The following TPR variants were observed in gnomAD, a reference collection of about 807,000 sequenced individuals.
TPR encodes nucleoprotein TPR.
TPR carries 51 observed loss-of-function variants against 316.1 expected under a neutral mutation model. That is an observed-to-expected ratio of 0.16 (90% CI 0.13 to 0.20). The LOEUF (loss-of-function observed/expected upper bound fraction) is 0.20. TPR is among the 10% of genes least tolerant of loss of function. The pLI is 1.00. For synonymous variants in TPR, 981 were observed against 914.7 expected (o/e 1.07, Z -1.31); for missense variants, 2,272 against 2,754.8 (o/e 0.82, Z 3.92).
At chr1:186,360,152 A>T in intron 11 of TPR, 121 bp downstream of exon 11, 1 of 1,332,674 alleles carries the variant, frequency 7.5e-7, no homozygotes, top group Non-Finnish European at 1.0e-6. Flanking sequence ...AGCCTTTCCT[A>T]GAATGATCCA....
rs1251163409 is a variant in TPR at position 186,338,132 on chromosome 1, T to C, written c.4263A>G (p.Ile1421Met). Reference sequence around the variant, plus strand: ...TTTTGACTTTTTCTTGGATATCAATTATTTTGGCATCTAAGTCCTTCTGGA... The same window carrying C: ...TTTTGACTTTTTCTTGGATATCAATCATTTTGGCATCTAAGTCCTTCTGGA... ...ETIQKDLDAK[I>M]IDIQEKVKTI... Residue 1421 changes from isoleucine to methionine, a missense_variant, in exon 31 of 51, where the codon ATA (isoleucine) becomes ATG (methionine). Coordinates refer to ENST00000367478, the MANE Select transcript of TPR (RefSeq NM_003292.3). 1 of 1,612,962 alleles carries C rather than the reference T, an allele frequency of 6.2e-7. No homozygotes were observed. Among genetic ancestry groups the C allele is most frequent in the African/African-American group, 1.3e-5 (1 of 75,020 alleles).
chr1:186,332,044 G>T, intron 38 of TPR, 151 bp downstream of exon 38: 1 of 707,666 alleles, frequency 1.4e-6, no homozygotes, highest in Non-Finnish European at 2.2e-6. Context: ...TACCTGGGTT[G>T]TCAGTGGAAT....
Position 186,333,208 on chromosome 1 carries a change from T to C in TPR, c.5369A>G (p.Asn1790Ser), listed in dbSNP as rs750825790. 20 of 1,613,506 alleles carry C rather than the reference T, an allele frequency of 1.2e-5. No homozygotes were observed. Among genetic ancestry groups the C allele is most frequent in the Non-Finnish European group, 1.5e-5 (18 of 1,179,696 alleles). Residue 1790 changes from asparagine (N) to serine (S), a missense_variant, in exon 37 of 51, where the codon AAT becomes AGT. Around this residue, in one of 10 missense-constraint regions of TPR, gnomAD observed 435 missense variants for 461.1 expected, o/e 0.94. Transcript: ENST00000367478. ...QQSHPQIEPA[N>S]QELSSNIVEV... ...TACTATGTTTGAAGATAACTCTTGA[T>C]TGGCAGGCTCAATCTGAGGATGACT...
chr1:186,326,037 TG>T, intron 41 of TPR, 66 bp downstream of exon 41: 3 of 1,602,788 alleles, frequency 1.9e-6, no homozygotes, highest in Non-Finnish European at 2.6e-6. Flanking sequence ...TCTATATCCT[TG>T]GAAAACAGCA....
Position 186,350,354 on chromosome 1 carries a change from G to T in TPR, c.2645C>A (p.Thr882Lys). The part of the protein sequence containing the change: ...QLLDTKRQLD[T>K]ETNLHLNTKE... ...TGTGTTAAGATGAAGATTTGTCTCT[G>T]TATCCAGTTGTCTCTTTGTATCTAA... The change falls in exon 21 of 51, where the codon ACA becomes AAA. Residue 882 changes from threonine (T) to lysine (K), a missense_variant. By Grantham distance (78) the Thr-to-Lys change is moderately conservative (BLOSUM62 -1). Transcript: ENST00000367478. The T allele has an allele frequency of 3.1e-6, 5 of 1,608,782 alleles. No individual in the cohort carries two copies. Among genetic ancestry groups the T allele is most frequent in the Non-Finnish European group, 4.2e-6 (5 of 1,177,824 alleles).
chr1:186,350,023 G>A (rs185793681), intron 21 of TPR, among the ~76,000 whole-genome samples, 200 bp downstream of exon 21: 13 of 152,240 alleles, frequency 8.5e-5, no homozygotes, highest in Non-Finnish European at 1.3e-4. Flanking sequence ...GAACTATTCT[G>A]AATCTTTTAA....
Position 186,344,497 on chromosome 1 carries a change from C to T in TPR, c.3295G>A (p.Ala1099Thr). ...GCCATTTTTGAAACCTGCTCCTTCG[C>T]AGCTTGTAGAGCTTCAACATCAGCA... ...HAADVEALQA[A>T]KEQVSKMASV... is the part of the protein sequence containing the mutation. Residue 1099 changes from alanine to threonine, a missense_variant, in exon 25 of 51, where the codon GCG becomes ACG. Physicochemically the swap from Ala to Thr is moderately conservative, Grantham distance 58 (BLOSUM62 0). Coordinates refer to ENST00000367478, the MANE Select transcript of TPR (RefSeq NM_003292.3). 1.2e-6 allele frequency: 2 copies of T among 1,613,818 alleles called. No homozygotes were observed. Among genetic ancestry groups the T allele is most frequent in the East Asian group, 4.5e-5 (2 of 44,876 alleles).
Position 186,338,134 on chromosome 1 carries a change from T to C in TPR, c.4261A>G (p.Ile1421Val), listed in dbSNP as rs773261002. ...TTGACTTTTTCTTGGATATCAATTA[T>C]TTTGGCATCTAAGTCCTTCTGGATG... ...ETIQKDLDAK[I>V]IDIQEKVKTI... The change falls in exon 31 of 51, where the codon ATA becomes GTA. Residue 1421 changes from isoleucine to valine, a missense_variant. Ile to Val is a conservative substitution (Grantham distance 29). Transcript: ENST00000367478. 16 of 1,612,854 alleles carry C rather than the reference T, an allele frequency of 9.9e-6. No individual in the cohort carries two copies. The South Asian group carries it at 1.6e-4, about 17-fold the overall frequency.
chr1:186,356,525 A>C, intron 14 of TPR, 76 bp from the exon 15 acceptor site: 1 of 1,370,500 alleles, frequency 7.3e-7, no homozygotes, highest in Non-Finnish European at 9.8e-7. Flanking sequence ...TAATTAACCA[A>C]GCATCTTTGC....
Position 186,363,265 on chromosome 1 carries a change from C to T in TPR, c.531+77G>A, listed in dbSNP as rs1048756360. 13 of 1,230,384 alleles carry T rather than the reference C, an allele frequency of 1.1e-5. No individual in the cohort carries two copies. The African/African-American group carries it at 2.0e-4, about 19-fold the overall frequency. 76.2% of individuals were successfully genotyped at this position (1,230,384 alleles called of 1,614,324 possible). A position where few individuals can be genotyped will look rare whatever the true frequency, so the allele number is the denominator to read the frequency against. ...AATGCAGCTTTTAATTACTTTATTG[C>T]CTATATTTGAAATTTAATTTAGGTG... On this transcript the variant is annotated intron_variant, in intron 5 of 50. Transcript: ENST00000367478.
rs369108138 is a variant in TPR, at chr1:186,312,256, T to C, written c.*1715A>G. 5.0e-6 allele frequency: 8 copies of C among 1,613,918 alleles called. No homozygotes were observed. In the African/African-American group the frequency reaches 8.0e-5, roughly 16 times the overall value. On this transcript the variant is annotated 3_prime_UTR_variant, in exon 51 of 51. Coordinates refer to ENST00000367478, the MANE Select transcript of TPR (RefSeq NM_003292.3). ...AGAAGGCCTGCTCTAAATTATCCAG[T>C]GTATGGAGAAACGACACAGGTTAGG...
chr1:186,367,798 C>A, intron 4 of TPR, 88 bp downstream of exon 4: 1 of 849,392 alleles, frequency 1.2e-6, no homozygotes, highest in Non-Finnish European at 1.8e-6. Context: ...AAAATATCAG[C>A]AACAGAAATG....
chr1:186,319,620 CA>C (rs1657714419), intron 46 of TPR, among the ~76,000 whole-genome samples: 1 of 152,156 alleles, frequency 6.6e-6, no homozygotes, highest in Admixed American at 6.5e-5. Context: ...ATATCCTAAA[CA>C]AGCAGATGTT....
intron 48 of TPR, among the ~76,000 whole-genome samples, chr1:186,317,850 T>A (rs1265257173): frequency 3.3e-5 from 5 of 152,322 alleles, no homozygotes; most frequent in Non-Finnish European, 7.3e-5. Context: ...CCTCTTCTTA[T>A]GTTTCCTTTT....
chr1:186,312,414 A>G lies in TPR; in HGVS notation c.*1557T>C. 1 of 1,530,626 alleles carries G rather than the reference A, an allele frequency of 6.5e-7. No homozygotes were observed. The highest frequency in any genetic ancestry group is 8.9e-7 in the Non-Finnish European group (1 of 1,117,952). The allele number at this position is 1,530,626 out of a possible 1,614,324, so 94.8% of individuals were successfully genotyped here. A position where few individuals can be genotyped will look rare whatever the true frequency, so the allele number is the denominator to read the frequency against. On this transcript the variant is annotated 3_prime_UTR_variant, in exon 51 of 51. Transcript: ENST00000367478. Reference sequence around the variant, plus strand: ...GTTAAAAAAATCCTTAAACATAAGTAGATGTAATACAGTTTCTTATACAGT... The same window carrying G: ...GTTAAAAAAATCCTTAAACATAAGTGGATGTAATACAGTTTCTTATACAGT...
chr1:186,347,454 C>G lies in TPR; in HGVS notation c.2781G>C (p.Gln927His). 6.2e-7 allele frequency: 1 copy of G among 1,613,652 alleles called. No homozygotes were observed. Among genetic ancestry groups the G allele is most frequent in the Non-Finnish European group, 8.5e-7 (1 of 1,179,836 alleles). Residue 927 changes from glutamine to histidine, a missense_variant, in exon 22 of 51, where the codon CAG becomes CAC. Transcript: ENST00000367478. ...CATCCACATCTTCTTTGTTGCTAGG[C>G]TGACCTAAAAGACATAACAGCTCTG... Reference protein sequence around the residue: ...SQSSQRTGKGQPSNKEDVDDL... With the variant: ...SQSSQRTGKGHPSNKEDVDDL...
intron 21 of TPR, among the ~76,000 whole-genome samples, chr1:186,348,407 T>A (rs1301679440): frequency 1.3e-5 from 2 of 152,074 alleles, no homozygotes; most frequent in African/African-American, 4.8e-5. Flanking sequence ...TGGAACCCTG[T>A]TTTCTGTTGT....
chr1:186,366,421 C>T (rs76764179), intron 4 of TPR, among the ~76,000 whole-genome samples: 2,613 of 152,224 alleles, frequency 0.017, 78 homozygotes, highest in African/African-American at 0.059. Context: ...ACAGACAAAA[C>T]GTATGACAAT....
At position 186,332,294 on chromosome 1, in the gene TPR, T is replaced by G; in HGVS notation, c.5505A>C (p.Glu1835Asp). 2 of 1,612,854 alleles carry G rather than the reference T, an allele frequency of 1.2e-6. No homozygotes were observed. The highest frequency in any genetic ancestry group is 1.7e-6 in the Non-Finnish European group (2 of 1,179,356). ...SSLPKRTREE[E>D]EDSTIEASDQ... ...CTGATGCTTCTATGGTGCTATCCTC[T>G]TCCTCTTCACGTGTACGCTTTGGCA... The change falls in exon 38 of 51, where the codon GAA becomes GAC. Residue 1835 changes from glutamate (E) to aspartate (D), a missense_variant. Physicochemically the swap from Glu to Asp is conservative, Grantham distance 45. Around this residue, in one of 10 missense-constraint regions of TPR, gnomAD observed 435 missense variants for 461.1 expected, o/e 0.94. Coordinates refer to ENST00000367478, the MANE Select transcript of TPR (RefSeq NM_003292.3).
Sources: gnomAD v4.1 joint callset for allele counts (sites outside exome capture counted in the v4.1 genomes callset) on GRCh38, gnomAD v4.1.1 for gene constraint, gnomAD v4.1.1 regional missense constraint, MANE v1.5 for transcripts, NCBI Gene and HGNC (gene_info 2026-07-23, HGNC 2026-07-21) for gene names.